RPH3AL: variants seen among roughly 807,000 people sequenced by gnomAD.
The protein encoded by RPH3AL is rabphilin 3A like (without C2 domains), also known as rab effector Noc2.
Under a neutral mutation model 43.1 loss-of-function variants are expected in RPH3AL, and 38 were observed. The observed-to-expected ratio is 0.88, with a 90% CI of 0.68 to 1.15. RPH3AL has a LOEUF of 1.15. RPH3AL is among the 50% of genes most tolerant of loss of function. The probability of loss-of-function intolerance (pLI) is 0.00; values close to 1 mark genes in which losing one functional copy is unlikely to be tolerated. For missense variants in RPH3AL, 462 were observed against 423.2 expected (o/e 1.09, Z -0.81); for synonymous variants, 189 against 176.3 (o/e 1.07, Z -0.57).
At chr17:315,881 G>C (rs1598103256) in intron 5 of RPH3AL, among the ~76,000 whole-genome samples, 3 of 143,194 alleles carry the variant, frequency 2.1e-5, no homozygotes, top group East Asian at 2.2e-4. Flanking sequence ...CACCTCCATT[G>C]ACCTGTAGTC....
intron 1 of RPH3AL, chr17:338,492 G>C: frequency 6.6e-6 from 1 of 151,808 alleles, no homozygotes; most frequent in Non-Finnish European, 1.5e-5. Flanking sequence ...TAACCACACA[G>C]AGAGAGAGAG....
intron 6 of RPH3AL, among the ~76,000 whole-genome samples, chr17:270,813 C>A (rs2042444834): frequency 6.6e-6 from 1 of 152,174 alleles, no homozygotes; most frequent in African/African-American, 2.4e-5. Context: ...GCTTTTGTTG[C>A]CATTGCTTTT....
In RPH3AL at chr17:219,740, G is replaced by T; in HGVS notation, c.614-4C>A. ...CTGTCACTGTCACTGGAAACCACTGGAAGAGACAGACCACAGCACAGGAGG... is the reference window on the plus strand; with the variant it reads ...CTGTCACTGTCACTGGAAACCACTGTAAGAGACAGACCACAGCACAGGAGG... On this transcript the variant is annotated splice_polypyrimidine_tract_variant and splice_region_variant and intron_variant, in intron 7 of 9. Coordinates refer to ENST00000331302, the MANE Select transcript of RPH3AL (RefSeq NM_006987.4). The T allele has an allele frequency of 1.2e-6, 2 of 1,607,644 alleles. No individual in the cohort carries two copies. Among genetic ancestry groups the T allele is most frequent in the Admixed American group, 1.7e-5 (1 of 59,984 alleles).
intron 7 of RPH3AL, among the ~76,000 whole-genome samples, chr17:222,359 T>G (rs1319874002): frequency 6.6e-6 from 1 of 152,226 alleles, no homozygotes; most frequent in Non-Finnish European, 1.5e-5. Context: ...ACTGCAAGAA[T>G]TGAACTGGAA....
chr17:326,184 G>A (rs894636794), intron 3 of RPH3AL, among the ~76,000 whole-genome samples: 1 of 152,236 alleles, frequency 6.6e-6, no homozygotes, highest in Non-Finnish European at 1.5e-5. Flanking sequence ...TGCGGGGGCC[G>A]CATGAAGGAG....
chr17:320,573 AG>A (rs777236458), intron 4 of RPH3AL, among the ~76,000 whole-genome samples: 8 of 152,224 alleles, frequency 5.3e-5, no homozygotes, highest in Non-Finnish European at 8.8e-5. Context: ...CAGGAAGTTG[AG>A]GCTGCAGTGA....
intron 6 of RPH3AL, among the ~76,000 whole-genome samples, chr17:277,994 G>A (rs1381048076): frequency 1.3e-5 from 2 of 151,840 alleles, no homozygotes; most frequent in Non-Finnish European, 2.9e-5. Context: ...GAAACCCTAA[G>A]TCCTTACAAA....
intron 6 of RPH3AL, among the ~76,000 whole-genome samples, chr17:269,133 T>C (rs573202658): frequency 3.5e-4 from 53 of 152,248 alleles, no homozygotes; most frequent in East Asian, 1.2e-3. Context: ...CCGCCTTGGC[T>C]TCCTAAAGTG....
At chr17:298,826 A>G (rs1202138395) in intron 5 of RPH3AL, among the ~76,000 whole-genome samples, 2 of 152,172 alleles carry the variant, frequency 1.3e-5, no homozygotes, top group African/African-American at 4.8e-5. Flanking sequence ...GCAACAGCAC[A>G]CTAGCGATCC....
intron 7 of RPH3AL, among the ~76,000 whole-genome samples, chr17:235,297 G>A (rs71372177): frequency 0.032 from 3,682 of 113,702 alleles, 3 homozygotes; most frequent in African/African-American, 0.048. Context: ...AACAAGACGG[G>A]TCCCGGGTTC....
intron 6 of RPH3AL, among the ~76,000 whole-genome samples, chr17:249,455 C>T (rs1334766659): frequency 1.3e-5 from 2 of 152,058 alleles, no homozygotes; most frequent in Non-Finnish European, 2.9e-5. Flanking sequence ...GTGCCAGGCA[C>T]GGAGCAGCCT....
intron 5 of RPH3AL, among the ~76,000 whole-genome samples, chr17:309,539 C>T (rs1365588704): frequency 4.7e-5 from 7 of 150,144 alleles, no homozygotes; most frequent in Non-Finnish European, 7.4e-5. Context: ...CTGCCAGCCC[C>T]CCTGCTGGGG....
intron 5 of RPH3AL, among the ~76,000 whole-genome samples, chr17:316,582 G>T (rs1202023801): frequency 1.4e-5 from 2 of 142,654 alleles, no homozygotes; most frequent in African/African-American, 5.4e-5. Context: ...CACCTCCATT[G>T]ACCTGTAGTC....
intron 5 of RPH3AL, among the ~76,000 whole-genome samples, chr17:313,730 G>A (rs963005181): frequency 1.3e-5 from 2 of 152,172 alleles, no homozygotes; most frequent in Non-Finnish European, 1.5e-5. Flanking sequence ...CGTTCACGGC[G>A]TCGGCAGGAC....
In RPH3AL at chr17:280,077, C is replaced by A. The variant is rs548599774; in HGVS notation, c.438+1691G>T. Among the ~76,000 whole-genome samples, 19 of 152,268 alleles carry A rather than the reference C, an allele frequency of 1.2e-4. 1 individual carries two copies. In the South Asian group the frequency reaches 2.1e-3, roughly 17 times the overall value. On this transcript the variant is annotated intron_variant, in intron 6 of 9. Transcript: ENST00000331302. ...GAAAATACTTTCACAACAACAGCAG[C>A]AAGGAAATGTGCGCAAAAACAAGAT... is the stretch of plus-strand genomic sequence containing the variant.
intron 6 of RPH3AL, among the ~76,000 whole-genome samples, chr17:279,823 A>T (rs976081478): frequency 6.6e-6 from 1 of 152,142 alleles, no homozygotes; most frequent in Non-Finnish European, 1.5e-5. Flanking sequence ...CAAAGGGGAG[A>T]TTTCTGGCTG....
rs539749596 is a variant in RPH3AL, at chr17:253,496, C to T, written c.439-6211G>A. 4.1e-4 allele frequency among the ~76,000 whole-genome samples: 62 copies of T among 152,264 alleles called. 1 individual carries two copies. Among genetic ancestry groups the T allele is most frequent in the Middle Eastern group, 3.4e-3 (1 of 294 alleles). On this transcript the variant is annotated intron_variant, in intron 6 of 9. Transcript: ENST00000331302. ...GTTTTGGCCTCCGGGTATGCGCAAT[C>T]CTTTTTTAAAAAAATTAAAAATGTT... is the stretch of plus-strand genomic sequence containing the variant.
rs529092306 is a variant in RPH3AL at position 226,455 on chromosome 17, G to C, written c.614-6719C>G. 5.3e-5 allele frequency among the ~76,000 whole-genome samples: 8 copies of C among 152,348 alleles called. No homozygotes were observed. The South Asian group carries it at 6.2e-4, about 12-fold the overall frequency. ...TGTTGGGATTTCAAGCTGGGGCTTA[G>C]AGGTCTTTGTGGTACAGACCCAAAT... On this transcript the variant is annotated intron_variant, in intron 7 of 9. Transcript: ENST00000331302.
At chr17:263,112 T>C (rs898257759) in intron 6 of RPH3AL, among the ~76,000 whole-genome samples, 11 of 152,060 alleles carry the variant, frequency 7.2e-5, no homozygotes, top group African/African-American at 2.7e-4. Context: ...AAGAACAGAA[T>C]CTACATGTAA....
Sources: allele counts gnomAD v4.1 joint callset (sites outside exome capture counted in the v4.1 genomes callset), GRCh38; gene constraint gnomAD v4.1.1; transcripts MANE v1.5; gene names NCBI Gene and HGNC (gene_info 2026-07-23, HGNC 2026-07-21).